KCNQ1: variants seen among roughly 807,000 people sequenced by gnomAD.
The protein encoded by KCNQ1 is potassium voltage-gated channel subfamily Q member 1.
Under a neutral mutation model 72.4 loss-of-function variants are expected in KCNQ1, and 49 were observed. The ratio of observed to expected loss-of-function variants is 0.68; its 90% CI spans 0.54 to 0.86. The LOEUF is 0.86. KCNQ1 is among the 40% of genes least tolerant of loss of function. KCNQ1 has a pLI of 0.00. For synonymous variants in KCNQ1, 450 were observed against 412.6 expected (o/e 1.09, Z -1.10); for missense variants, 790 against 945.1 (o/e 0.84, Z 2.15).
chr11:2,578,745 C>T (rs1350777466), intron 6 of KCNQ1, among the ~76,000 whole-genome samples: 1 of 152,254 alleles, frequency 6.6e-6, no homozygotes, highest in Non-Finnish European at 1.5e-5. Flanking sequence ...TCCTTAGGTG[C>T]CTCCTCACGG....
Position 2,724,868 on chromosome 11 carries a change from C to G in KCNQ1, c.1515-43976C>G, listed in dbSNP as rs984588728. ...GGAAGGTACCAGGCCTCAGCGTTCT[C>G]AACTGTGAAATGGGAACACGGTGGT... On this transcript the variant is annotated intron_variant, in intron 11 of 15. Coordinates refer to ENST00000155840, the MANE Select transcript of KCNQ1 (RefSeq NM_000218.3). This position sits in a 1 kb window ranked among gnomAD's most constrained non-coding sequence, Gnocchi z 6.8. 6.6e-6 allele frequency among the ~76,000 whole-genome samples: 1 copy of G among 152,178 alleles called. No homozygotes were observed. The highest frequency in any genetic ancestry group is 1.5e-5 in the Non-Finnish European group (1 of 68,044).
intron 4 of KCNQ1, 29 bp from the exon 5 acceptor site, chr11:2,571,984 C>G (rs1316424555): frequency 4.4e-6 from 7 of 1,586,096 alleles, no homozygotes; most frequent in Non-Finnish European, 6.0e-6. Flanking sequence ...CAGCCTGGCT[C>G]CCTCAGCCCC....
rs537114529 is a variant in KCNQ1, at chr11:2,615,503, G to GT, written c.1393+26657dup. The stretch of plus-strand genomic sequence containing the variant: ...TCTTTGTTATGGGAGAAATTTTTCA[G>GT]TTTTTTTTCTCATTAAGTATATTAG... On this transcript the variant is annotated intron_variant, in intron 10 of 15. Transcript: ENST00000155840. 3.4e-3 allele frequency: 1,356 copies of GT among 397,622 alleles called. 26 individuals carry two copies. The highest frequency in any genetic ancestry group is 5.8e-4 in the Non-Finnish European group (131 of 225,590). 24.6% of individuals were successfully genotyped at this position (397,622 alleles called of 1,614,324 possible). A position where few individuals can be genotyped will look rare whatever the true frequency, so the allele number is the denominator to read the frequency against.
intron 15 of KCNQ1, among the ~76,000 whole-genome samples, chr11:2,843,059 A>C (rs1297870924): frequency 6.6e-6 from 1 of 152,196 alleles, no homozygotes; most frequent in Admixed American, 6.5e-5. Flanking sequence ...AAGGCCCTGC[A>C]GCAGTGTGGG....
Position 2,614,596 on chromosome 11 carries a change from T to A in KCNQ1, c.1393+25742T>A, listed in dbSNP as rs80257402. 5 of 398,500 alleles carry A rather than the reference T, an allele frequency of 1.3e-5. No individual in the cohort carries two copies. The East Asian group carries it at 1.8e-4, about 14-fold the overall frequency. The allele number at this position is 398,500 out of a possible 1,614,324, so 24.7% of individuals were successfully genotyped here. The stretch of plus-strand genomic sequence containing the variant: ...GGGTCCAACTTCATTCTTTGATATA[T>A]GAGGATCCAGTTGCCCCAGCACCAT... On this transcript the variant is annotated intron_variant, in intron 10 of 15. Transcript: ENST00000155840.
At chr11:2,629,953 A>T in intron 10 of KCNQ1, 1 of 398,434 alleles carries the variant, frequency 2.5e-6, no homozygotes, top group Non-Finnish European at 4.4e-6. Context: ...GACTTCCAGT[A>T]CTGTGTTGAA....
rs1416610110 is a variant in KCNQ1, at chr11:2,492,275, G to A, written c.387-35653G>A. On this transcript the variant is annotated intron_variant, in intron 1 of 15. Transcript: ENST00000155840. The surrounding 1 kb of genome is among the most constrained non-coding windows in gnomAD (Gnocchi z 4.1). The stretch of plus-strand genomic sequence containing the variant: ...AAATAATGACTACAACAACTTTTGC[G>A]GTACAATAGGCAGTACAATAAGATA... 6.6e-6 allele frequency among the ~76,000 whole-genome samples: 1 copy of A among 152,168 alleles called. No homozygotes were observed. Among genetic ancestry groups the A allele is most frequent in the East Asian group, 1.9e-4 (1 of 5,184 alleles).
intron 15 of KCNQ1, among the ~76,000 whole-genome samples, chr11:2,779,497 T>A (rs1846778880): frequency 6.6e-6 from 1 of 151,906 alleles, no homozygotes; most frequent in African/African-American, 2.4e-5. Context: ...GGCGTGAACA[T>A]CCCTGACGTG....
chr11:2,695,666 G>C lies in KCNQ1; in HGVS notation c.1514+33585G>C, dbSNP rs1850663038. 1 of 398,474 alleles carries C rather than the reference G, an allele frequency of 2.5e-6. No homozygotes were observed. The highest frequency in any genetic ancestry group is 2.1e-5 in the African/African-American group (1 of 48,620). The allele number at this position is 398,474 out of a possible 1,614,324, so 24.7% of individuals were successfully genotyped here. A position where few individuals can be genotyped will look rare whatever the true frequency, so the allele number is the denominator to read the frequency against. ...ACAGGTATAAAATATTTTATTTGAGGAAGAAGTGTTGGCCAGCTCTTCAGA... is the reference window on the plus strand; with the variant it reads ...ACAGGTATAAAATATTTTATTTGAGCAAGAAGTGTTGGCCAGCTCTTCAGA... On this transcript the variant is annotated intron_variant, in intron 11 of 15. Coordinates refer to ENST00000155840, the MANE Select transcript of KCNQ1 (RefSeq NM_000218.3). This position sits in a 1 kb window ranked among gnomAD's most constrained non-coding sequence, Gnocchi z 5.2.
Position 2,683,332 on chromosome 11 carries a change from C to T in KCNQ1, c.1514+21251C>T, listed in dbSNP as rs1236925007. 2.5e-6 allele frequency: 1 copy of T among 398,432 alleles called. No individual in the cohort carries two copies. The highest frequency in any genetic ancestry group is 4.4e-6 in the Non-Finnish European group (1 of 226,064). 24.7% of individuals were successfully genotyped at this position (398,432 alleles called of 1,614,324 possible). ...ACATAGAGGCCAGGTTTCCCCCGCT[C>T]AACACTAGGCCACTGTGCCTGCCAC... On this transcript the variant is annotated intron_variant, in intron 11 of 15. Coordinates refer to ENST00000155840, the MANE Select transcript of KCNQ1 (RefSeq NM_000218.3). This position sits in a 1 kb window ranked among gnomAD's most constrained non-coding sequence, Gnocchi z 4.7.
Position 2,695,663 on chromosome 11 carries a change from G to C in KCNQ1, c.1514+33582G>C, listed in dbSNP as rs1850662905. ...GCCACAGGTATAAAATATTTTATTT[G>C]AGGAAGAAGTGTTGGCCAGCTCTTC... On this transcript the variant is annotated intron_variant, in intron 11 of 15. Coordinates refer to ENST00000155840, the MANE Select transcript of KCNQ1 (RefSeq NM_000218.3). The surrounding 1 kb of genome is among the most constrained non-coding windows in gnomAD (Gnocchi z 5.2). 1 of 398,598 alleles carries C rather than the reference G, an allele frequency of 2.5e-6. No individual in the cohort carries two copies. The highest frequency in any genetic ancestry group is 4.4e-6 in the Non-Finnish European group (1 of 226,072). 24.7% of individuals were successfully genotyped at this position (398,598 alleles called of 1,614,324 possible). A position where few individuals can be genotyped will look rare whatever the true frequency, so the allele number is the denominator to read the frequency against.
rs112187347 is a variant in KCNQ1 at position 2,690,890 on chromosome 11, G to A, written c.1514+28809G>A. On this transcript the variant is annotated intron_variant, in intron 11 of 15. Coordinates refer to ENST00000155840, the MANE Select transcript of KCNQ1 (RefSeq NM_000218.3). The surrounding 1 kb of genome is among the most constrained non-coding windows in gnomAD (Gnocchi z 5.1). ...CACAGGAGTGTAAGCCACTGTTTCC[G>A]TCTGGGTTTTGTCATGTGTAGGTCC... 287 of 398,576 alleles carry A rather than the reference G, an allele frequency of 7.2e-4. No homozygotes were observed. The highest frequency in any genetic ancestry group is 5.4e-3 in the African/African-American group (264 of 48,708). The allele number at this position is 398,576 out of a possible 1,614,324, so 24.7% of individuals were successfully genotyped here. A position where few individuals can be genotyped will look rare whatever the true frequency, so the allele number is the denominator to read the frequency against.
At position 2,781,848 on chromosome 11, in the gene KCNQ1, A is replaced by C. The variant is rs1276642927; in HGVS notation, c.1794+3811A>C. 1.3e-5 allele frequency among the ~76,000 whole-genome samples: 2 copies of C among 152,268 alleles called. No homozygotes were observed. The highest frequency in any genetic ancestry group is 3.9e-4 in the East Asian group (2 of 5,174). On this transcript the variant is annotated intron_variant, in intron 15 of 15. Transcript: ENST00000155840. This position sits in a 1 kb window ranked among gnomAD's most constrained non-coding sequence, Gnocchi z 6.6. The stretch of plus-strand genomic sequence containing the variant: ...CTGGGTTTCCATGCCGCAGTTCAGA[A>C]AGCGTTGGGCGGGAAGGGGCCCCCA...
rs1028203003 is a variant in KCNQ1 at position 2,598,995 on chromosome 11, A to G, written c.1393+10141A>G. ...TCAATACCAGATCTGAATAGGGGCT[A>G]TTCTTTCTTTTAGTGTCCTTAATGT... is the stretch of plus-strand genomic sequence containing the variant. On this transcript the variant is annotated intron_variant, in intron 10 of 15. Coordinates refer to ENST00000155840, the MANE Select transcript of KCNQ1 (RefSeq NM_000218.3). The surrounding 1 kb of genome is among the most constrained non-coding windows in gnomAD (Gnocchi z 6.2). Among the ~76,000 whole-genome samples the G allele has an allele frequency of 1.3e-5, 2 of 152,232 alleles. No individual in the cohort carries two copies. Among genetic ancestry groups the G allele is most frequent in the Non-Finnish European group, 2.9e-5 (2 of 68,042 alleles).
intron 15 of KCNQ1, among the ~76,000 whole-genome samples, chr11:2,806,866 C>G (rs1335349450): frequency 6.6e-6 from 1 of 152,130 alleles, no homozygotes; most frequent in African/African-American, 2.4e-5. Context: ...TCCGGTGACA[C>G]ACAAAGGCCT....
At position 2,585,299 on chromosome 11, in the gene KCNQ1, CTCAT is replaced by C. The variant is rs397508077; in HGVS notation, c.1124_1127del (p.Ile375ArgfsTer43). ...CCGGCAGATCCCGGCGGCAGCCTCA[CTCAT>C]TCAGGTGCGGTGCCTGCAAGGCCCT... On this transcript the variant is annotated frameshift_variant, in exon 8 of 16. Coordinates refer to ENST00000155840, the MANE Select transcript of KCNQ1 (RefSeq NM_000218.3). LOFTEE classifies it high-confidence loss of function. 1 of 1,613,838 alleles carries C rather than the reference CTCAT, an allele frequency of 6.2e-7. No homozygotes were observed. Among genetic ancestry groups the C allele is most frequent in the Non-Finnish European group, 8.5e-7 (1 of 1,179,882 alleles).
At chr11:2,460,529 C>T (rs537769079) in intron 1 of KCNQ1, among the ~76,000 whole-genome samples, 2 of 142,964 alleles carry the variant, frequency 1.4e-5, no homozygotes, top group South Asian at 2.6e-4. Flanking sequence ...TCCTGTGGCT[C>T]CAAGGCCCAC....
chr11:2,505,270 A>G lies in KCNQ1; in HGVS notation c.387-22658A>G, dbSNP rs78988418. ...GTTAAGAGTATGTTGTTTCATTTCC[A>G]TACATTTGTTAATTTTTCCATTTTA... On this transcript the variant is annotated intron_variant, in intron 1 of 15. Transcript: ENST00000155840. Among the ~76,000 whole-genome samples the G allele has an allele frequency of 4.2e-3, 641 of 152,152 alleles. 8 individuals are homozygous for G. Among genetic ancestry groups the G allele is most frequent in the African/African-American group, 0.014 (601 of 41,504 alleles).
At chr11:2,705,242 G>A (rs887932096) in intron 11 of KCNQ1, among the ~76,000 whole-genome samples, 34 of 152,346 alleles carry the variant, frequency 2.2e-4, no homozygotes, top group African/African-American at 6.7e-4. Context: ...CAGTGATAAC[G>A]TGAGGCCAGA....
Sources: allele counts gnomAD v4.1 joint callset (sites outside exome capture counted in the v4.1 genomes callset), GRCh38; gene constraint gnomAD v4.1.1; non-coding constraint Gnocchi (gnomAD v3.1); transcripts MANE v1.5; gene names NCBI Gene and HGNC (gene_info 2026-07-23, HGNC 2026-07-21).